The following RBFOX1 variants were observed in gnomAD, a reference collection of about 807,000 sequenced individuals.
RBFOX1 encodes the protein RNA binding fox-1 homolog 1, also known as RNA binding protein fox-1 homolog 1.
Under a neutral mutation model 57.7 loss-of-function variants are expected in RBFOX1, and 8 were observed. The ratio of observed to expected loss-of-function variants is 0.14; its 90% confidence interval spans 0.08 to 0.25. The LOEUF (loss-of-function observed/expected upper bound fraction) is 0.25. Among genes scored for constraint, RBFOX1 ranks in the 10% least tolerant of loss-of-function variants. RBFOX1 has a pLI of 1.00. For missense variants in RBFOX1, 611 were observed against 548.5 expected (o/e 1.11, Z -1.14); for synonymous variants, 326 against 222.4 (o/e 1.47, Z -4.15).
intron 3 of RBFOX1, among the ~76,000 whole-genome samples, chr16:5,739,986 G>C (rs184052511): frequency 6.6e-6 from 1 of 152,212 alleles, no homozygotes; most frequent in Admixed American, 6.5e-5. Flanking sequence ...CCTGGGGAGG[G>C]ATCAGTGTGG....
chr16:6,871,766 C>A (rs141742818), intron 3 of RBFOX1, among the ~76,000 whole-genome samples: 3 of 152,126 alleles, frequency 2.0e-5, no homozygotes, highest in Non-Finnish European at 4.4e-5. Flanking sequence ...GAAATTTCTA[C>A]TCTACCTTCC....
At chr16:6,288,691 C>A (rs1434584518) in intron 1 of RBFOX1, among the ~76,000 whole-genome samples, 1 of 152,088 alleles carries the variant, frequency 6.6e-6, no homozygotes, top group Non-Finnish European at 1.5e-5. Flanking sequence ...TTGTTAATGT[C>A]CCTGTATGTT....
chr16:5,855,920 G>A (rs981544495), intron 3 of RBFOX1, among the ~76,000 whole-genome samples: 7 of 129,182 alleles, frequency 5.4e-5, no homozygotes, highest in African/African-American at 2.0e-4. Flanking sequence ...GTTTGTTAAT[G>A]TTTAATGTAC....
At chr16:5,847,211 GA>G (rs2056778874) in intron 3 of RBFOX1, among the ~76,000 whole-genome samples, 1 of 152,174 alleles carries the variant, frequency 6.6e-6, no homozygotes, top group Non-Finnish European at 1.5e-5. Context: ...GGAAACACAT[GA>G]GCATTTTGGA....
intron 1 of RBFOX1, among the ~76,000 whole-genome samples, chr16:6,059,733 C>T (rs182567220): frequency 1.6e-4 from 25 of 152,202 alleles, no homozygotes; most frequent in Non-Finnish European, 3.2e-4. Context: ...AGGGCCTCTA[C>T]CATCTGTTTA....
chr16:6,399,307 T>C (rs1000815910), intron 2 of RBFOX1, among the ~76,000 whole-genome samples: 1 of 152,198 alleles, frequency 6.6e-6, no homozygotes, highest in African/African-American at 2.4e-5. Context: ...CCTGGAAACA[T>C]TTTCCCCATT....
chr16:5,454,165 T>G (rs1290578243), intron 1 of RBFOX1, among the ~76,000 whole-genome samples: 3 of 152,202 alleles, frequency 2.0e-5, no homozygotes, highest in Non-Finnish European at 4.4e-5. Flanking sequence ...TGAAATGCAG[T>G]TTCTCACTGA....
chr16:7,323,682 A>G (rs1325243091), intron 4 of RBFOX1, among the ~76,000 whole-genome samples: 1 of 152,202 alleles, frequency 6.6e-6, no homozygotes, highest in East Asian at 1.9e-4. Context: ...CTTCATAGGA[A>G]TGAAGAGGGG....
At chr16:5,366,119 G>C (rs1411505928) in intron 1 of RBFOX1, 1 of 456,826 alleles carries the variant, frequency 2.2e-6, no homozygotes, top group Non-Finnish European at 4.3e-6. Flanking sequence ...CAGGGCGAGT[G>C]CATGCTAATG....
intron 1 of RBFOX1, chr16:5,366,644 AC>A: frequency 2.3e-6 from 1 of 430,194 alleles, no homozygotes; most frequent in East Asian, 6.4e-5. Flanking sequence ...TGGATGACTG[AC>A]CAGGAGGCTA....
chr16:6,729,744 T>A (rs569420323), intron 3 of RBFOX1, among the ~76,000 whole-genome samples: 17 of 152,106 alleles, frequency 1.1e-4, no homozygotes, highest in Non-Finnish European at 2.2e-4. Flanking sequence ...TACTTGGGAG[T>A]TGGGTCTTAA....
chr16:6,288,583 C>T (rs1414749525), intron 1 of RBFOX1, among the ~76,000 whole-genome samples: 2 of 152,138 alleles, frequency 1.3e-5, no homozygotes, highest in Non-Finnish European at 2.9e-5. Context: ...AGGCTGAAAA[C>T]CTGAAACTCA....
In RBFOX1 at chr16:7,191,484, AAGC is replaced by A. The variant is rs1183007013; in HGVS notation, c.27+139391_27+139393del. On this transcript the variant is annotated intron_variant, in intron 4 of 15. Coordinates refer to ENST00000550418, the MANE Select transcript of RBFOX1 (RefSeq NM_018723.4). Reference sequence around the variant, plus strand: ...TTGATCACAGTGGAATGTAAAGATGAAGCAGCATTTATTTTGTATGTTATATTG... The same window carrying A: ...TTGATCACAGTGGAATGTAAAGATGAAGCATTTATTTTGTATGTTATATTG... 2.0e-5 allele frequency among the ~76,000 whole-genome samples: 3 copies of A among 152,218 alleles called. No individual in the cohort carries two copies. In the East Asian group the frequency reaches 5.8e-4, roughly 29 times the overall value.
chr16:6,281,139 T>C (rs1362233658), intron 1 of RBFOX1, among the ~76,000 whole-genome samples: 1 of 151,824 alleles, frequency 6.6e-6, no homozygotes, highest in Non-Finnish European at 1.5e-5. Context: ...TAACATGTAT[T>C]GAGCAGATGG....
At chr16:6,661,867 C>G (rs1262372774) in intron 3 of RBFOX1, among the ~76,000 whole-genome samples, 4 of 152,192 alleles carry the variant, frequency 2.6e-5, no homozygotes, top group African/African-American at 7.2e-5. Flanking sequence ...GACCTCTATA[C>G]TGTTGTGCAT....
At chr16:6,146,252 C>T (rs1158680945) in intron 1 of RBFOX1, among the ~76,000 whole-genome samples, 1 of 152,190 alleles carries the variant, frequency 6.6e-6, no homozygotes, top group Non-Finnish European at 1.5e-5. Flanking sequence ...TGGGTGCTCA[C>T]AGCAGATAGG....
At chr16:7,295,514 G>A (rs998005689) in intron 4 of RBFOX1, among the ~76,000 whole-genome samples, 13 of 152,034 alleles carry the variant, frequency 8.6e-5, no homozygotes, top group African/African-American at 2.7e-4. Flanking sequence ...CAACAACTTA[G>A]GAAGGAAAAG....
intron 4 of RBFOX1, among the ~76,000 whole-genome samples, chr16:7,238,012 A>C (rs2093858790): frequency 6.6e-6 from 1 of 152,198 alleles, no homozygotes; most frequent in Non-Finnish European, 1.5e-5. Flanking sequence ...TCAAAAAAAG[A>C]AAAGAGATGC....
intron 4 of RBFOX1, among the ~76,000 whole-genome samples, chr16:7,205,515 G>GAA (rs60458342): frequency 1.0e-3 from 126 of 125,632 alleles, no homozygotes; most frequent in African/African-American, 2.8e-3. Flanking sequence ...TCTGTCTCAG[G>GAA]AAAAAAAAAA....
Sources: gnomAD v4.1 joint callset for allele counts (sites outside exome capture counted in the v4.1 genomes callset) on GRCh38, gnomAD v4.1.1 for gene constraint, MANE v1.5 for transcripts, NCBI Gene and HGNC (gene_info 2026-07-23, HGNC 2026-07-21) for gene names.